Variants in HIVEP2 observed in about 807,000 individuals in gnomAD.
HIVEP2 encodes the protein transcription factor HIVEP2.
A neutral mutation model predicts 180.7 loss-of-function variants in HIVEP2; 14 were observed. The ratio of observed to expected loss-of-function variants is 0.08; its 90% confidence interval spans 0.05 to 0.12. HIVEP2 has a LOEUF of 0.12. HIVEP2 is among the 10% of genes least tolerant of loss of function. The pLI is 1.00. For missense variants in HIVEP2, 2,579 were observed against 3,008.5 expected (o/e 0.86, Z 3.34); for synonymous variants, 1,184 against 1,136.4 (o/e 1.04, Z -0.84).
chr6:142,862,177 G>A (rs925536611), intron 1 of HIVEP2, among the ~76,000 whole-genome samples: 6 of 152,024 alleles, frequency 3.9e-5, no homozygotes, highest in African/African-American at 1.4e-4. Flanking sequence ...TACCCAAAAC[G>A]TGTGTTTGAC....
At chr6:142,870,699 T>C (rs1776270782) in intron 1 of HIVEP2, among the ~76,000 whole-genome samples, 1 of 152,122 alleles carries the variant, frequency 6.6e-6, no homozygotes, top group African/African-American at 2.4e-5. Flanking sequence ...CCCTACCATA[T>C]AATAATCATC....
In HIVEP2 at chr6:142,760,669, T is replaced by G; in HGVS notation, c.5621-2A>C. 1 of 1,584,686 alleles carries G rather than the reference T, an allele frequency of 6.3e-7. No homozygotes were observed. Among genetic ancestry groups the G allele is most frequent in the Non-Finnish European group, 8.6e-7 (1 of 1,165,748 alleles). ...CTTTGTGCAAATCTTCCAAATTTTC[T>G]GAAACAATTAAACAAAGATAATGGA... On this transcript the variant is annotated splice_acceptor_variant, in intron 8 of 9. Transcript: ENST00000367603. LOFTEE classifies it high-confidence loss of function.
intron 9 of HIVEP2, among the ~76,000 whole-genome samples, chr6:142,757,216 G>T (rs1775099312): frequency 6.6e-6 from 1 of 152,160 alleles, no homozygotes; most frequent in Non-Finnish European, 1.5e-5. Context: ...CAGTGCTTGG[G>T]ACGAACTGTC....
Position 142,753,142 on chromosome 6 carries a change from T to C in HIVEP2, c.7306A>G (p.Lys2436Glu). ...TGACTCTTTTCTGATGAAGGATCTT[T>C]GCTTTCCTCTGTGCTTGAAGATAAT... ...KELSSSTEESKDPSSEKSQLH is the reference protein window; with the variant it reads ...KELSSSTEESEDPSSEKSQLH The change falls in exon 10 of 10, where the codon AAA (lysine) becomes GAA (glutamate). Residue 2436 changes from lysine (K) to glutamate (E), a missense_variant. Transcript: ENST00000367603. 1.9e-6 allele frequency: 3 copies of C among 1,611,632 alleles called. No individual in the cohort carries two copies. Among genetic ancestry groups the C allele is most frequent in the Non-Finnish European group, 2.5e-6 (3 of 1,177,660 alleles).
intron 9 of HIVEP2, among the ~76,000 whole-genome samples, chr6:142,758,031 ACT>A (rs35781266): frequency 0.17 from 26,190 of 151,926 alleles, 2,420 homozygotes; most frequent in Middle Eastern, 0.28. Context: ...CATCTAACAC[ACT>A]CTGCCAGCAT....
Position 142,774,308 on chromosome 6 carries a change from T to A in HIVEP2, c.431A>T (p.His144Leu). 1 of 1,614,106 alleles carries A rather than the reference T, an allele frequency of 6.2e-7. No individual in the cohort carries two copies. Among genetic ancestry groups the A allele is most frequent in the African/African-American group, 1.3e-5 (1 of 75,006 alleles). Residue 144 changes from histidine to leucine, a missense_variant, in exon 5 of 10, where the codon CAT becomes CTT. Physicochemically the swap from His to Leu is moderately conservative, Grantham distance 99. Around this residue, in one of 11 missense-constraint regions of HIVEP2, gnomAD observed 207 missense variants for 210.1 expected, o/e 0.99. Coordinates refer to ENST00000367603, the MANE Select transcript of HIVEP2 (RefSeq NM_006734.4). This position sits in a 1 kb window ranked among gnomAD's most constrained non-coding sequence, Gnocchi z 5.1. The part of the protein sequence containing the change: ...ASEDLFPFPI[H>L]GHSGGYPRKK... ...TCTAGGATAACCACCACTGTGGCCA[T>A]GTATAGGAAAAGGAAATAAGTCCTC...
At chr6:142,883,622 A>G (rs1462414344) in intron 1 of HIVEP2, among the ~76,000 whole-genome samples, 1 of 152,204 alleles carries the variant, frequency 6.6e-6, no homozygotes, top group African/African-American at 2.4e-5. Flanking sequence ...TAGGGCAAAG[A>G]ACAGTAGCAT....
At chr6:142,816,396 T>C (rs1048985049) in intron 2 of HIVEP2, among the ~76,000 whole-genome samples, 1 of 152,186 alleles carries the variant, frequency 6.6e-6, no homozygotes, top group African/African-American at 2.4e-5. Flanking sequence ...TTAATTCATC[T>C]CTTTGTCTAC....
chr6:142,927,073 C>T (rs1451929886), intron 1 of HIVEP2, among the ~76,000 whole-genome samples: 1 of 151,622 alleles, frequency 6.6e-6, no homozygotes, highest in Non-Finnish European at 1.5e-5. Context: ...GCGCCTCCGT[C>T]CCCGGCCGGC....
At chr6:142,846,160 C>T (rs971500018) in intron 1 of HIVEP2, among the ~76,000 whole-genome samples, 1 of 152,108 alleles carries the variant, frequency 6.6e-6, no homozygotes, top group Non-Finnish European at 1.5e-5. Context: ...GAGTGTGTTG[C>T]CTTAGGACAA....
chr6:142,754,077 A>G, intron 9 of HIVEP2, 146 bp from the exon 10 acceptor site: 3 of 557,436 alleles, frequency 5.4e-6, no homozygotes, highest in South Asian at 5.4e-5. Flanking sequence ...AAGTTTTCCT[A>G]TTTCAAGACA....
chr6:142,768,310 C>A, intron 6 of HIVEP2, 72 bp downstream of exon 6: 1 of 1,403,316 alleles, frequency 7.1e-7, no homozygotes, highest in South Asian at 1.3e-5. Context: ...AGTACCTTTT[C>A]CATGCAGACA....
At chr6:142,882,963 A>C (rs977250837) in intron 1 of HIVEP2, among the ~76,000 whole-genome samples, 2 of 152,088 alleles carry the variant, frequency 1.3e-5, no homozygotes, top group African/African-American at 4.8e-5. Flanking sequence ...AACCACCCAT[A>C]CTACATTCAA....
intron 1 of HIVEP2, among the ~76,000 whole-genome samples, chr6:142,906,325 G>A (rs1777264124): frequency 6.6e-6 from 1 of 152,022 alleles, no homozygotes. Flanking sequence ...GTAGAACCAA[G>A]TAGATATAAG....
chr6:142,817,816 C>T (rs1361533603), intron 2 of HIVEP2, among the ~76,000 whole-genome samples: 4 of 152,002 alleles, frequency 2.6e-5, no homozygotes, highest in African/African-American at 9.7e-5. Flanking sequence ...GTCAGGAGTT[C>T]AAGACCAGCC....
At chr6:142,876,201 T>C (rs977157097) in intron 1 of HIVEP2, among the ~76,000 whole-genome samples, 4 of 152,116 alleles carry the variant, frequency 2.6e-5, no homozygotes, top group African/African-American at 9.7e-5. Flanking sequence ...TGGTAAGATA[T>C]ATGAGAGGTG....
At chr6:142,922,484 G>A (rs981076738) in intron 1 of HIVEP2, among the ~76,000 whole-genome samples, 3 of 152,136 alleles carry the variant, frequency 2.0e-5, no homozygotes, top group Admixed American at 1.3e-4. Context: ...GTAAGATCCA[G>A]AGTGGCCTGA....
In HIVEP2 at chr6:142,770,104, G is replaced by T; in HGVS notation, c.4635C>A (p.Ser1545=). ...EPFLPSKEML[S]GSRAPLPGQK... is the part of the protein sequence containing the mutation. ...GCCCCGGAAGTGGTGCCCGGGAACC[G>T]GAAAGCATCTCCTTGCTGGGCAGGA... Residue 1545 remains serine, a synonymous_variant, in exon 5 of 10, where the codon TCC becomes TCA. Transcript: ENST00000367603. This position sits in a 1 kb window ranked among gnomAD's most constrained non-coding sequence, Gnocchi z 4.7. 1 of 1,614,204 alleles carries T rather than the reference G, an allele frequency of 6.2e-7. No homozygotes were observed. Among genetic ancestry groups the T allele is most frequent in the Non-Finnish European group, 8.5e-7 (1 of 1,180,034 alleles).
chr6:142,759,185 C>A (rs1775155357), intron 9 of HIVEP2, among the ~76,000 whole-genome samples: 1 of 151,960 alleles, frequency 6.6e-6, no homozygotes. Flanking sequence ...CGCCTGTAGT[C>A]CCAGCTTCTC....
Sources: gnomAD v4.1 joint callset for allele counts (sites outside exome capture counted in the v4.1 genomes callset) on GRCh38, gnomAD v4.1.1 for gene constraint, gnomAD v4.1.1 regional missense constraint, Gnocchi (gnomAD v3.1) non-coding constraint, MANE v1.5 for transcripts, NCBI Gene and HGNC (gene_info 2026-07-23, HGNC 2026-07-21) for gene names.